The following DPP10 variants were observed in gnomAD, a reference collection of about 807,000 sequenced individuals.
The protein encoded by DPP10 is dipeptidyl peptidase like 10.
A neutral mutation model predicts 120.9 loss-of-function variants in DPP10; 33 were observed. The observed-to-expected ratio is 0.27, with a 90% CI of 0.21 to 0.37. The LOEUF is 0.37. DPP10 is among the 10% of genes least tolerant of loss of function. The probability of loss-of-function intolerance (pLI) is 1.00; values close to 1 mark genes in which losing one functional copy is unlikely to be tolerated. For missense variants in DPP10, 816 were observed against 942.8 expected, an observed-to-expected ratio of 0.87 and a Z score of 1.76; for synonymous variants, 337 against 326.1, an observed-to-expected ratio of 1.03 and a Z score of -0.36.
intron 1 of DPP10, among the ~76,000 whole-genome samples, chr2:115,022,949 G>A (rs1703183230): frequency 6.6e-6 from 1 of 152,114 alleles, no homozygotes; most frequent in Non-Finnish European, 1.5e-5. Flanking sequence ...CAAGCCACAT[G>A]CAGAAGAATG....
intron 1 of DPP10, among the ~76,000 whole-genome samples, chr2:115,091,988 G>A (rs577370141): frequency 4.6e-5 from 7 of 152,206 alleles, no homozygotes; most frequent in East Asian, 3.9e-4. Flanking sequence ...TAACCATTGC[G>A]GCCTACTGAG....
chr2:114,920,631 A>AT (rs1005177438), intron 1 of DPP10, among the ~76,000 whole-genome samples: 7 of 151,814 alleles, frequency 4.6e-5, no homozygotes, highest in East Asian at 1.9e-4. Context: ...ACACATTGTA[A>AT]TTTTTTTTTC....
chr2:115,207,416 C>CAAAAAAAAAAAAAAAAAA (rs57462947), intron 1 of DPP10, among the ~76,000 whole-genome samples: 3 of 52,312 alleles, frequency 5.7e-5, no homozygotes, highest in African/African-American at 2.0e-4. Flanking sequence ...CTTACTGCAC[C>CAAAAAAAAAAAAAAAAAA]AAAAAAAAAA....
At chr2:114,942,302 T>TATATATATATATATATATATATAC (rs1165816753) in intron 1 of DPP10, among the ~76,000 whole-genome samples, 14 of 121,522 alleles carry the variant, frequency 1.2e-4, no homozygotes, top group Admixed American at 3.7e-4. Flanking sequence ...TATATACATA[T>TATATATATATATATATATATATAC]ATATATATAT....
intron 1 of DPP10, among the ~76,000 whole-genome samples, chr2:114,678,293 T>A (rs1698800216): frequency 6.6e-6 from 1 of 152,108 alleles, no homozygotes; most frequent in Non-Finnish European, 1.5e-5. Context: ...GTTTTTCAAA[T>A]ATCTGAGTGG....
At chr2:115,541,270 A>T (rs1223539506) in intron 5 of DPP10, among the ~76,000 whole-genome samples, 1 of 151,872 alleles carries the variant, frequency 6.6e-6, no homozygotes, top group East Asian at 1.9e-4. Flanking sequence ...CTGTTATTGG[A>T]GAGTTAGGTT....
intron 19 of DPP10, among the ~76,000 whole-genome samples, chr2:115,808,920 C>T (rs1686323430): frequency 6.6e-6 from 1 of 152,150 alleles, no homozygotes; most frequent in Admixed American, 6.5e-5. Context: ...TTGGTAGCGG[C>T]ATGAACAACC....
chr2:115,162,218 G>A, intron 1 of DPP10: 1 of 1,557,328 alleles, frequency 6.4e-7, no homozygotes, highest in East Asian at 2.4e-5. Context: ...CGTGCGCTCC[G>A]GGGCCCGGCG....
chr2:115,298,343 A>C (rs116199575), intron 1 of DPP10, among the ~76,000 whole-genome samples: 3,173 of 152,158 alleles, frequency 0.021, 104 homozygotes, highest in African/African-American at 0.069. Context: ...GTAAATAGAT[A>C]ATTAGATATT....
intron 1 of DPP10, among the ~76,000 whole-genome samples, chr2:114,474,337 G>T (rs1004940795): frequency 1.3e-5 from 2 of 152,178 alleles, no homozygotes; most frequent in South Asian, 2.1e-4. Flanking sequence ...AATGAGGAAC[G>T]TAAAATTGCA....
intron 1 of DPP10, among the ~76,000 whole-genome samples, chr2:115,036,683 A>ATTTG (rs1284776153): frequency 6.6e-6 from 1 of 151,846 alleles, no homozygotes; most frequent in Non-Finnish European, 1.5e-5. Context: ...ATTGGTTTTT[A>ATTTG]TTTGTTTGTT....
At chr2:115,504,524 C>T (rs1007739363) in intron 4 of DPP10, among the ~76,000 whole-genome samples, 6 of 151,876 alleles carry the variant, frequency 4.0e-5, no homozygotes, top group African/African-American at 1.5e-4. Flanking sequence ...TATTTAGATA[C>T]TTATTATATC....
intron 3 of DPP10, among the ~76,000 whole-genome samples, chr2:115,375,368 C>T (rs2065713477): frequency 6.6e-6 from 1 of 152,176 alleles, no homozygotes; most frequent in African/African-American, 2.4e-5. Context: ...CAGTAAGTTC[C>T]TCATTTCCAC....
chr2:115,158,571 G>C (rs1472847681), intron 1 of DPP10, among the ~76,000 whole-genome samples: 2 of 152,132 alleles, frequency 1.3e-5, no homozygotes, highest in Non-Finnish European at 2.9e-5. Flanking sequence ...GAATAAAATG[G>C]CCATGTGTTG....
At chr2:114,651,171 T>C (rs544926412) in intron 1 of DPP10, among the ~76,000 whole-genome samples, 1 of 152,264 alleles carries the variant, frequency 6.6e-6, no homozygotes, top group Admixed American at 6.5e-5. Context: ...TCAGGAGTAA[T>C]AGGTTTTATT....
At chr2:115,112,492 A>G (rs539543270) in intron 1 of DPP10, among the ~76,000 whole-genome samples, 103 of 152,280 alleles carry the variant, frequency 6.8e-4, no homozygotes, top group African/African-American at 2.4e-3. Context: ...GTATGTATAC[A>G]TTGTTGAATG....
chr2:115,289,503 A>AAAAAAAAAT (rs70941042), intron 1 of DPP10, among the ~76,000 whole-genome samples: 1 of 96,268 alleles, frequency 1.0e-5, no homozygotes, highest in Admixed American at 1.2e-4. Flanking sequence ...AAAAAAAAAA[A>AAAAAAAAAT]AGGAAGAAAA....
intron 1 of DPP10, among the ~76,000 whole-genome samples, chr2:114,839,823 A>G (rs1419219444): frequency 2.6e-5 from 4 of 152,234 alleles, no homozygotes; most frequent in Non-Finnish European, 5.9e-5. Flanking sequence ...GAAAAAATGT[A>G]AAATTCTCGT....
At chr2:114,883,170 A>T (rs951763535) in intron 1 of DPP10, among the ~76,000 whole-genome samples, 10 of 152,188 alleles carry the variant, frequency 6.6e-5, no homozygotes, top group Admixed American at 1.3e-4. Flanking sequence ...CTCCCAGGTT[A>T]GCTAGGCCAG....
Sources: gnomAD v4.1 joint callset for allele counts (sites outside exome capture counted in the v4.1 genomes callset) on GRCh38, gnomAD v4.1.1 for gene constraint, MANE v1.5 for transcripts, NCBI Gene and HGNC (gene_info 2026-07-23, HGNC 2026-07-21) for gene names.